The following KRT222 variants were observed in gnomAD, a reference collection of about 807,000 sequenced individuals.
KRT222 encodes the protein keratin-like protein KRT222.
A neutral mutation model predicts 35.0 loss-of-function variants in KRT222; 23 were observed. The ratio of observed to expected loss-of-function variants is 0.66; its 90% CI spans 0.47 to 0.93. KRT222 has a LOEUF of 0.93. Among genes scored for constraint, KRT222 ranks in the 40% least tolerant of loss-of-function variants. The probability of loss-of-function intolerance (pLI) is 0.00; values close to 1 mark genes in which losing one functional copy is unlikely to be tolerated. For missense variants in KRT222, 339 were observed against 346.3 expected, an observed-to-expected ratio of 0.98 and a Z score of 0.17; for synonymous variants, 108 against 118.8, an observed-to-expected ratio of 0.91 and a Z score of 0.59.
intron 2 of KRT222, among the ~76,000 whole-genome samples, chr17:40,660,649 G>T (rs2144033030): frequency 6.6e-6 from 1 of 152,006 alleles, no homozygotes; most frequent in African/African-American, 2.4e-5. Flanking sequence ...TGCAAGAGGT[G>T]TGTTTCCTTA....
At position 40,655,960 on chromosome 17, in the gene KRT222, A is replaced by G. The variant is rs1206129272; in HGVS notation, c.*442T>C. ...AAAATAGAACAAACATTGTAGGTTT[A>G]ACCAGTCATGGAATAATGGTGAATA... On this transcript the variant is annotated 3_prime_UTR_variant, in exon 6 of 6. Transcript: ENST00000394052. 1 of 152,804 alleles carries G rather than the reference A, an allele frequency of 6.5e-6. No individual in the cohort carries two copies. The highest frequency in any genetic ancestry group is 1.5e-5 in the Non-Finnish European group (1 of 68,486). 9.5% of individuals were successfully genotyped at this position (152,804 alleles called of 1,614,324 possible).
At chr17:40,664,874 C>G (rs2037410845) in intron 1 of KRT222, 130 bp downstream of exon 1, 1 of 1,499,360 alleles carries the variant, frequency 6.7e-7, no homozygotes, top group South Asian at 1.3e-5. Context: ...GCAGTAGAAG[C>G]TAAATTCCTT....
chr17:40,664,892 A>T, intron 1 of KRT222, 112 bp downstream of exon 1: 1 of 1,553,242 alleles, frequency 6.4e-7, no homozygotes, highest in Non-Finnish European at 8.7e-7. Flanking sequence ...CTTCCCCAAT[A>T]GATGCTGCAT....
Position 40,661,947 on chromosome 17 carries a change from A to C in KRT222, c.194T>G (p.Leu65Arg). The C allele has an allele frequency of 6.2e-7, 1 of 1,614,214 alleles. No homozygotes were observed. Among genetic ancestry groups the C allele is most frequent in the Admixed American group, 1.7e-5 (1 of 60,020 alleles). ...ATGGAGAGATTCAATTTCCACTTGC[A>C]GGTGGTGCCACTGGCGTCGGGCCTC... is the stretch of plus-strand genomic sequence containing the variant. The part of the protein sequence containing the change: ...LKEARRQWHH[L>R]QVEIESLHAV... The change falls in exon 2 of 6, where the codon CTG (leucine) becomes CGG (arginine). Residue 65 changes from leucine (L) to arginine (R), a missense_variant. Leu to Arg is a moderately radical substitution (Grantham distance 102, BLOSUM62 -2). Transcript: ENST00000394052.
At chr17:40,657,609 T>G in intron 4 of KRT222, 65 bp downstream of exon 4, 1 of 1,510,212 alleles carries the variant, frequency 6.6e-7, no homozygotes, top group Non-Finnish European at 9.1e-7. Flanking sequence ...TTAATTTCCT[T>G]ATAAAGTAAT....
At chr17:40,656,814 C>T (rs1470989358) in intron 5 of KRT222, among the ~76,000 whole-genome samples, 184 bp from the exon 6 acceptor site, 1 of 151,962 alleles carries the variant, frequency 6.6e-6, no homozygotes, top group Non-Finnish European at 1.5e-5. Context: ...TGGAATTTCT[C>T]TTTAGGAATT....
At chr17:40,664,856 G>T (rs576820273) in intron 1 of KRT222, 148 bp downstream of exon 1, 3 of 1,349,078 alleles carry the variant, frequency 2.2e-6, no homozygotes, top group East Asian at 2.4e-5. Context: ...TGTAGTCCCA[G>T]TCACACTGCA....
At chr17:40,660,297 T>TGAGATGGAG in intron 2 of KRT222, 90 bp from the exon 3 acceptor site, 2 of 1,070,552 alleles carry the variant, frequency 1.9e-6, no homozygotes, top group Non-Finnish European at 2.7e-6. Flanking sequence ...TTTTTTTTTT[T>TGAGATGGAG]TGAGATGGAG....
At chr17:40,664,904 G>T (rs752237469) in intron 1 of KRT222, 100 bp downstream of exon 1, 19 of 1,573,940 alleles carry the variant, frequency 1.2e-5, no homozygotes, top group Non-Finnish European at 1.6e-5. Flanking sequence ...ATGCTGCATC[G>T]AAAAGGAAAT....
At position 40,657,382 on chromosome 17, in the gene KRT222, T is replaced by TTA. The variant is rs762937960; in HGVS notation, c.627_628dup (p.Lys210IlefsTer34). 6.2e-7 allele frequency: 1 copy of TTA among 1,609,842 alleles called. No individual in the cohort carries two copies. Among genetic ancestry groups the TTA allele is most frequent in the Non-Finnish European group, 8.5e-7 (1 of 1,178,282 alleles). On this transcript the variant is annotated frameshift_variant, in exon 5 of 6. Coordinates refer to ENST00000394052, the MANE Select transcript of KRT222 (RefSeq NM_152349.3). LOFTEE classifies it high-confidence loss of function. ...AGTGCCATGAGCTTCAGTGCTCTCC[T>TTA]TAACGATACTCCCATTTAAGATTGC... is the stretch of plus-strand genomic sequence containing the variant.
In KRT222 at chr17:40,661,584, G is replaced by A. The variant is rs140623214; in HGVS notation, c.225+332C>T. Among the ~76,000 whole-genome samples the A allele has an allele frequency of 4.5e-4, 69 of 152,212 alleles. 1 individual carries two copies. The highest frequency in any genetic ancestry group is 1.4e-3 in the African/African-American group (60 of 41,534). Reference sequence around the variant, plus strand: ...TCAGCCTAAATATTTTTTATTCGACGTCTCAATGGCATGGATAAAAGAATC... The same window carrying A: ...TCAGCCTAAATATTTTTTATTCGACATCTCAATGGCATGGATAAAAGAATC... On this transcript the variant is annotated intron_variant, in intron 2 of 5. Transcript: ENST00000394052.
At position 40,662,001 on chromosome 17, in the gene KRT222, G is replaced by A. The variant is rs182477219; in HGVS notation, c.140C>T (p.Ala47Val). Reference protein sequence around the residue: ...ISKKMDKDEEALKAAQAELKE... With the variant: ...ISKKMDKDEEVLKAAQAELKE... Reference sequence around the variant, plus strand: ...GAGTTCTGCTTGAGCTGCCTTCAAAGCCTCTTCATCTTTGTCCATTTTTTT... The same window carrying A: ...GAGTTCTGCTTGAGCTGCCTTCAAAACCTCTTCATCTTTGTCCATTTTTTT... Residue 47 changes from alanine to valine, a missense_variant, in exon 2 of 6, where the codon GCT becomes GTT. Coordinates refer to ENST00000394052, the MANE Select transcript of KRT222 (RefSeq NM_152349.3). 2 of 1,614,068 alleles carry A rather than the reference G, an allele frequency of 1.2e-6. No individual in the cohort carries two copies. Among genetic ancestry groups the A allele is most frequent in the African/African-American group, 1.3e-5 (1 of 74,990 alleles).
intron 1 of KRT222, among the ~76,000 whole-genome samples, chr17:40,664,067 C>T (rs1012568447): frequency 6.6e-6 from 1 of 151,860 alleles, no homozygotes; most frequent in African/African-American, 2.4e-5. Context: ...AAAGGCCTGA[C>T]ATTTTTCTAC....
At chr17:40,658,767 A>G (rs2037361182) in intron 3 of KRT222, among the ~76,000 whole-genome samples, 1 of 152,234 alleles carries the variant, frequency 6.6e-6, no homozygotes, top group African/African-American at 2.4e-5. Context: ...TTTGGAAGCA[A>G]GCAAGAATAA....
intron 1 of KRT222, among the ~76,000 whole-genome samples, chr17:40,664,391 A>T (rs1427776501): frequency 2.0e-5 from 3 of 152,296 alleles, no homozygotes; most frequent in Admixed American, 1.3e-4. Context: ...AATGTTTCTC[A>T]TCTTATAGTA....
rs1467614229 is a variant in KRT222 at position 40,655,450 on chromosome 17, A to G, written c.*952T>C. The G allele has an allele frequency of 6.6e-6, 1 of 152,176 alleles. No individual in the cohort carries two copies. The highest frequency in any genetic ancestry group is 1.5e-5 in the Non-Finnish European group (1 of 67,980). The allele number at this position is 152,176 out of a possible 1,614,324, so 9.4% of individuals were successfully genotyped here. A position where few individuals can be genotyped will look rare whatever the true frequency, so the allele number is the denominator to read the frequency against. ...GCTTAGATAACAATACCGTTATCTTAGTTCACATAAATGATTGCAAGAAAT... is the reference window on the plus strand; with the variant it reads ...GCTTAGATAACAATACCGTTATCTTGGTTCACATAAATGATTGCAAGAAAT... On this transcript the variant is annotated 3_prime_UTR_variant, in exon 6 of 6. Coordinates refer to ENST00000394052, the MANE Select transcript of KRT222 (RefSeq NM_152349.3).
In KRT222 at chr17:40,662,621, T is replaced by A. The variant is rs567716889; in HGVS notation, c.97-577A>T. Among the ~76,000 whole-genome samples, 12 of 152,348 alleles carry A rather than the reference T, an allele frequency of 7.9e-5. 1 individual carries two copies. The highest frequency in any genetic ancestry group is 2.9e-4 in the African/African-American group (12 of 41,584). ...AAGAAAATCTGTTGATTGACCTTTT[T>A]CAAGATGATCTTTTTAAAAGGCATA... is the stretch of plus-strand genomic sequence containing the variant. On this transcript the variant is annotated intron_variant, in intron 1 of 5. Transcript: ENST00000394052.
At position 40,655,100 on chromosome 17, in the gene KRT222, A is replaced by G. The variant is rs1219127679; in HGVS notation, c.*1302T>C. On this transcript the variant is annotated 3_prime_UTR_variant, in exon 6 of 6. Coordinates refer to ENST00000394052, the MANE Select transcript of KRT222 (RefSeq NM_152349.3). ...GTATATATGGAGAGAGAGATAGAGG[A>G]GAAGAGAGAGGAGAGAGAGAGAGAA... The G allele has an allele frequency of 6.7e-6, 1 of 148,294 alleles. No individual in the cohort carries two copies. Among genetic ancestry groups the G allele is most frequent in the African/African-American group, 2.5e-5 (1 of 40,714 alleles). 9.2% of individuals were successfully genotyped at this position (148,294 alleles called of 1,614,324 possible). A position where few individuals can be genotyped will look rare whatever the true frequency, so the allele number is the denominator to read the frequency against.
rs1246829206 is a variant in KRT222, at chr17:40,654,717, T to C, written c.*1685A>G. 1 of 152,120 alleles carries C rather than the reference T, an allele frequency of 6.6e-6. No homozygotes were observed. The highest frequency in any genetic ancestry group is 1.5e-5 in the Non-Finnish European group (1 of 68,010). 9.4% of individuals were successfully genotyped at this position (152,120 alleles called of 1,614,324 possible). On this transcript the variant is annotated 3_prime_UTR_variant, in exon 6 of 6. Coordinates refer to ENST00000394052, the MANE Select transcript of KRT222 (RefSeq NM_152349.3). ...ATCACTGTTGCTTAGTACAGTAACT[T>C]TAGTACAATAGCTTATATGATTGCA...
Sources: gnomAD v4.1 joint callset for allele counts (sites outside exome capture counted in the v4.1 genomes callset) on GRCh38, gnomAD v4.1.1 for gene constraint, MANE v1.5 for transcripts, NCBI Gene and HGNC (gene_info 2026-07-23, HGNC 2026-07-21) for gene names.